DCLRE1C: variants seen among roughly 807,000 people sequenced by gnomAD.
DCLRE1C encodes the protein protein artemis.
In DCLRE1C, 47 loss-of-function variants were observed where a neutral mutation model predicts 61.4. That is an observed-to-expected ratio of 0.77 (90% CI 0.61 to 0.98). The LOEUF is 0.98. Among genes scored for constraint, DCLRE1C ranks in the 50% least tolerant of loss-of-function variants. DCLRE1C has a pLI of 0.00. For missense variants in DCLRE1C, 858 were observed against 816.0 expected (o/e 1.05, Z -0.63); for synonymous variants, 337 against 287.6 (o/e 1.17, Z -1.74).
chr10:14,913,698 A>G (rs935126304), intron 13 of DCLRE1C, among the ~76,000 whole-genome samples: 6 of 152,254 alleles, frequency 3.9e-5, no homozygotes, highest in African/African-American at 1.4e-4. Context: ...TTGATACAGT[A>G]TAACAACTAG....
chr10:14,913,632 C>A (rs1436533863), intron 13 of DCLRE1C, among the ~76,000 whole-genome samples: 1 of 151,902 alleles, frequency 6.6e-6, no homozygotes, highest in Non-Finnish European at 1.5e-5. Context: ...TTTGACTGAC[C>A]ACAGATCAAA....
rs1186076379 is a variant in DCLRE1C, at chr10:14,909,139, C to G, written c.1348G>C (p.Val450Leu). 2.0e-5 allele frequency: 33 copies of G among 1,614,228 alleles called. No individual in the cohort carries two copies. Among genetic ancestry groups the G allele is most frequent in the Non-Finnish European group, 2.7e-5 (32 of 1,180,036 alleles). ...TCACTGTTGGATTCTTCACAATCTA[C>G]AAAGTTTGTGAAACGAGAGCTCTGC... Reference protein sequence around the residue: ...CMQSSRFTNFVDCEESNSESE... With the variant: ...CMQSSRFTNFLDCEESNSESE... The change falls in exon 14 of 14, where the codon GTA (valine) becomes CTA (leucine). Residue 450 changes from valine to leucine, a missense_variant. This residue lies in a region of DCLRE1C where 843 missense variants were observed against 783.5 expected (regional missense o/e 1.08). Transcript: ENST00000378278.
rs41300696 is a variant in DCLRE1C at position 14,907,192 on chromosome 10, C to T, written c.*1216G>A. 2.5e-3 allele frequency among the ~76,000 whole-genome samples: 372 copies of T among 151,344 alleles called. No homozygotes were observed. The highest frequency in any genetic ancestry group is 8.6e-3 in the African/African-American group (353 of 41,194). ...CATTTTCTTTTATATTCTAATTGTC[C>T]GCTTCTAATTTGGCCACCGTATTCA... On this transcript the variant is annotated 3_prime_UTR_variant, in exon 14 of 14. Transcript: ENST00000378278.
intron 4 of DCLRE1C, among the ~76,000 whole-genome samples, chr10:14,939,548 T>C (rs1006938532): frequency 1.1e-4 from 16 of 152,088 alleles, no homozygotes; most frequent in African/African-American, 1.7e-4. Flanking sequence ...CAAGTGTCTA[T>C]TGTATAAGCC....
intron 2 of DCLRE1C, among the ~76,000 whole-genome samples, chr10:14,948,339 C>T (rs992610814): frequency 6.6e-6 from 1 of 152,198 alleles, no homozygotes; most frequent in Non-Finnish European, 1.5e-5. Flanking sequence ...CTGACATCCA[C>T]TGGCCCTTTT....
At chr10:14,917,487 A>G (rs901260160) in intron 13 of DCLRE1C, among the ~76,000 whole-genome samples, 3 of 138,624 alleles carry the variant, frequency 2.2e-5, no homozygotes, top group Non-Finnish European at 4.6e-5. Flanking sequence ...TGATATATTT[A>G]AAAAAAAAAA....
chr10:14,920,270 A>G, intron 12 of DCLRE1C: 1 of 532,984 alleles, frequency 1.9e-6, no homozygotes, highest in Non-Finnish European at 2.5e-6. Context: ...TATATCTCAC[A>G]GGAATCTCCA....
At chr10:14,948,346 T>C (rs1232240899) in intron 2 of DCLRE1C, among the ~76,000 whole-genome samples, 1 of 152,226 alleles carries the variant, frequency 6.6e-6, no homozygotes, top group Non-Finnish European at 1.5e-5. Context: ...CCACTGGCCC[T>C]TTTCAAATAT....
chr10:14,952,097 A>C (rs1842537660), intron 1 of DCLRE1C, among the ~76,000 whole-genome samples: 1 of 152,220 alleles, frequency 6.6e-6, no homozygotes, highest in South Asian at 2.1e-4. Flanking sequence ...CTTAATGCAC[A>C]AACTTATGAT....
intron 4 of DCLRE1C, among the ~76,000 whole-genome samples, chr10:14,936,927 T>C (rs554390932): frequency 6.6e-6 from 1 of 152,226 alleles, no homozygotes; most frequent in Admixed American, 6.5e-5. Context: ...AGCTGATGCA[T>C]CAATCAGGAA....
intron 9 of DCLRE1C, 90 bp from the exon 10 acceptor site, chr10:14,928,242 TC>T: frequency 8.7e-7 from 1 of 1,154,456 alleles, no homozygotes; most frequent in Non-Finnish European, 1.2e-6. Context: ...TAGAAAAGTT[TC>T]CAGACACGAA....
intron 11 of DCLRE1C, among the ~76,000 whole-genome samples, chr10:14,924,898 C>T (rs1009840553): frequency 6.6e-6 from 1 of 151,432 alleles, no homozygotes; most frequent in Non-Finnish European, 1.5e-5. Flanking sequence ...TCATCCATTA[C>T]TAAGTTGATA....
At chr10:14,951,334 G>A (rs1047131317) in intron 1 of DCLRE1C, among the ~76,000 whole-genome samples, 2 of 142,098 alleles carry the variant, frequency 1.4e-5, no homozygotes, top group African/African-American at 5.2e-5. Flanking sequence ...AGGCTGCAGT[G>A]AGCCGAGATC....
At chr10:14,917,370 A>G (rs1836366134) in intron 13 of DCLRE1C, among the ~76,000 whole-genome samples, 1 of 152,190 alleles carries the variant, frequency 6.6e-6, no homozygotes, top group Non-Finnish European at 1.5e-5. Context: ...AAAAAAAGTA[A>G]AAATTGATAA....
At chr10:14,918,640 A>G (rs756944487) in intron 13 of DCLRE1C, among the ~76,000 whole-genome samples, 3 of 151,982 alleles carry the variant, frequency 2.0e-5, no homozygotes, top group Non-Finnish European at 4.4e-5. Context: ...AAAAAAAAAA[A>G]AAAAGAAAAA....
chr10:14,940,899 T>C (rs1231578580), intron 3 of DCLRE1C, among the ~76,000 whole-genome samples: 1 of 152,102 alleles, frequency 6.6e-6, no homozygotes, highest in Non-Finnish European at 1.5e-5. Context: ...TTTATTATTT[T>C]TGAGATAGGG....
In DCLRE1C at chr10:14,953,971, T is replaced by C. The variant is rs757865212; in HGVS notation, c.40A>G (p.Ile14Val). ...TCCCTATCGAAGCGGTCTATGGAGA[T>C]AGTTGGATACTCGGCCATCTGCCCC... ...FEGQMAEYPT[I>V]SIDRFDRENL... is the part of the protein sequence containing the mutation. The change falls in exon 1 of 14, where the codon ATC (isoleucine) becomes GTC (valine). Residue 14 changes from isoleucine (I) to valine (V), a missense_variant. Ile to Val is a conservative substitution (Grantham distance 29, BLOSUM62 3). Around this residue, in one of 2 missense-constraint regions of DCLRE1C, gnomAD observed 15 missense variants for 32.5 expected, o/e 0.46. Coordinates refer to ENST00000378278, the MANE Select transcript of DCLRE1C (RefSeq NM_001033855.3). The C allele has an allele frequency of 2.5e-6, 4 of 1,613,978 alleles. No homozygotes were observed. Among genetic ancestry groups the C allele is most frequent in the South Asian group, 1.1e-5 (1 of 91,084 alleles).
Position 14,908,244 on chromosome 10 carries a change from A to G in DCLRE1C, c.*164T>C. 1.7e-6 allele frequency: 1 copy of G among 589,892 alleles called. No homozygotes were observed. The highest frequency in any genetic ancestry group is 1.9e-5 in the South Asian group (1 of 52,324). 36.5% of individuals were successfully genotyped at this position (589,892 alleles called of 1,614,324 possible). On this transcript the variant is annotated 3_prime_UTR_variant, in exon 14 of 14. Transcript: ENST00000378278. ...AGGCTGGTGTCGAACTCCTGGGCTC[A>G]AGCCATTGCCCACCTCAAAGTGCTG...
chr10:14,932,904 G>C lies in DCLRE1C; in HGVS notation c.730C>G (p.His244Asp). 1 of 1,614,214 alleles carries C rather than the reference G, an allele frequency of 6.2e-7. No homozygotes were observed. The highest frequency in any genetic ancestry group is 8.5e-7 in the Non-Finnish European group (1 of 1,180,036). Residue 244 changes from histidine (H) to aspartate (D), a missense_variant, in exon 9 of 14, where the codon CAT becomes GAT. This residue lies in a region of DCLRE1C where 843 missense variants were observed against 783.5 expected (regional missense o/e 1.08). Coordinates refer to ENST00000378278, the MANE Select transcript of DCLRE1C (RefSeq NM_001033855.3). ...TGAGTGTTGCGGTCTGTTGTGAGAT[G>C]ATGAAGGATCTCAGGCATGTTCCTA... Reference protein sequence around the residue: ...MFRNMPEILHHLTTDRNTQIH... With the variant: ...MFRNMPEILHDLTTDRNTQIH...
Sources: allele counts gnomAD v4.1 joint callset (sites outside exome capture counted in the v4.1 genomes callset), GRCh38; gene constraint gnomAD v4.1.1; regional missense constraint gnomAD v4.1.1; transcripts MANE v1.5; gene names NCBI Gene and HGNC (gene_info 2026-07-23, HGNC 2026-07-21).